The following MAST4 variants were observed in gnomAD, a reference collection of about 807,000 sequenced individuals.
The protein encoded by MAST4 is microtubule associated serine/threonine kinase family member 4, also known as microtubule-associated serine/threonine-protein kinase 4.
A neutral mutation model predicts 162.7 loss-of-function variants in MAST4; 89 were observed. The observed-to-expected ratio is 0.55, with a 90% confidence interval of 0.46 to 0.65. MAST4 has a LOEUF of 0.65. Ranked by LOEUF, MAST4 falls within the 30% of genes least tolerant of loss-of-function variation. The pLI is 0.00. For synonymous variants in MAST4, 1,479 were observed against 1,361.1 expected (o/e 1.09, Z -1.91); for missense variants, 3,153 against 3,374.0 (o/e 0.93, Z 1.62).
intron 3 of MAST4, among the ~76,000 whole-genome samples, chr5:66,857,011 G>T (rs1250197784): frequency 6.6e-6 from 1 of 152,130 alleles, no homozygotes; most frequent in African/African-American, 2.4e-5. Flanking sequence ...ATTATAAAAA[G>T]AAGAAAACTT....
intron 1 of MAST4, among the ~76,000 whole-genome samples, chr5:66,726,804 G>A (rs1430527324): frequency 6.6e-6 from 1 of 152,110 alleles, no homozygotes; most frequent in Non-Finnish European, 1.5e-5. Context: ...GCGCATACGA[G>A]GGATCTAGGT....
At chr5:66,629,113 G>C (rs1379474393) in intron 1 of MAST4, among the ~76,000 whole-genome samples, 1 of 152,188 alleles carries the variant, frequency 6.6e-6, no homozygotes, top group Non-Finnish European at 1.5e-5. Context: ...GAGAGTGCAG[G>C]CTGAGGTCTT....
chr5:66,855,304 T>C (rs1166939612), intron 3 of MAST4, among the ~76,000 whole-genome samples: 1 of 152,208 alleles, frequency 6.6e-6, no homozygotes, highest in Non-Finnish European at 1.5e-5. Context: ...TGCTCCTCCT[T>C]CACCTTCCGC....
At chr5:66,691,966 C>T (rs1183788295) in intron 1 of MAST4, among the ~76,000 whole-genome samples, 1 of 152,032 alleles carries the variant, frequency 6.6e-6, no homozygotes, top group Non-Finnish European at 1.5e-5. Flanking sequence ...TGATTCTCCC[C>T]AGGGCAAGAA....
intron 23 of MAST4, among the ~76,000 whole-genome samples, chr5:67,146,548 A>G (rs1326143749): frequency 6.6e-6 from 1 of 152,206 alleles, no homozygotes; most frequent in African/African-American, 2.4e-5. Context: ...AATGATTCCA[A>G]GATTTTTCGT....
chr5:66,945,980 G>A (rs560261775), intron 4 of MAST4, among the ~76,000 whole-genome samples: 2 of 152,282 alleles, frequency 1.3e-5, no homozygotes, highest in Admixed American at 6.5e-5. Flanking sequence ...GTGTTAGGTA[G>A]AAGGGTTTCA....
chr5:66,604,853 G>C (rs1742776758), intron 1 of MAST4, among the ~76,000 whole-genome samples: 2 of 152,322 alleles, frequency 1.3e-5, no homozygotes, highest in East Asian at 3.9e-4. Context: ...ATCAGTGGTA[G>C]GGAAACTAAG....
In MAST4 at chr5:66,736,315, A is replaced by ATT. The variant is rs150887206; in HGVS notation, c.364-23377_364-23376dup. 7.0e-3 allele frequency among the ~76,000 whole-genome samples: 977 copies of ATT among 138,990 alleles called. 10 individuals are homozygous for ATT. Among genetic ancestry groups the ATT allele is most frequent in the African/African-American group, 0.023 (861 of 37,458 alleles). The allele number at this position is 138,990 out of a possible 152,430, so 91.2% of individuals were successfully genotyped here. A position where few individuals can be genotyped will look rare whatever the true frequency, so the allele number is the denominator to read the frequency against. On this transcript the variant is annotated intron_variant, in intron 1 of 28. Coordinates refer to ENST00000403625, the MANE Select transcript of MAST4 (RefSeq NM_001164664.2). ...ACTTTGGCAACCATGTAGTGAGGGA[A>ATT]TTTTTTTTTTTTTTTTTTGGTCCTT... is the stretch of plus-strand genomic sequence containing the variant.
At chr5:66,901,683 T>C (rs465962) in intron 4 of MAST4, among the ~76,000 whole-genome samples, 52,801 of 152,038 alleles carry the variant, frequency 0.35, 10,166 homozygotes, top group Non-Finnish European at 0.45. Context: ...TATATGTATA[T>C]GTGAACACAC....
At chr5:67,134,180 A>G (rs1228499397) in intron 17 of MAST4, among the ~76,000 whole-genome samples, 1 of 152,212 alleles carries the variant, frequency 6.6e-6, no homozygotes, top group Non-Finnish European at 1.5e-5. Context: ...GACAATGACA[A>G]ACTTAAAAAT....
chr5:66,999,531 T>C (rs1751041761), intron 4 of MAST4, among the ~76,000 whole-genome samples: 1 of 152,220 alleles, frequency 6.6e-6, no homozygotes, highest in African/African-American at 2.4e-5. Context: ...ATCCAGAGAA[T>C]GCCTGAGAAA....
intron 3 of MAST4, among the ~76,000 whole-genome samples, chr5:66,837,288 T>A (rs1260538099): frequency 6.6e-6 from 1 of 152,180 alleles, no homozygotes; most frequent in Non-Finnish European, 1.5e-5. Context: ...TTCTTCATCA[T>A]TATCATCTAA....
At chr5:67,052,281 T>C (rs1490671183) in intron 4 of MAST4, among the ~76,000 whole-genome samples, 2 of 152,200 alleles carry the variant, frequency 1.3e-5, no homozygotes, top group Admixed American at 1.3e-4. Context: ...CCAGGATGAC[T>C]GTAATGTAAA....
chr5:66,687,565 T>TATACACATGTATATGTGTATATATATAC (rs1748753567), intron 1 of MAST4, among the ~76,000 whole-genome samples: 1 of 151,622 alleles, frequency 6.6e-6, no homozygotes, highest in Non-Finnish European at 1.5e-5. Flanking sequence ...CACATGCATA[T>TATACACATGTATATGTGTATATATATAC]ATACACATGT....
intron 1 of MAST4, among the ~76,000 whole-genome samples, chr5:66,628,260 C>T (rs1242993815): frequency 1.3e-5 from 2 of 151,670 alleles, no homozygotes; most frequent in African/African-American, 4.8e-5. Flanking sequence ...TCTCAAACTC[C>T]TAGGTTCAAG....
chr5:67,080,313 T>C (rs1762450921), intron 5 of MAST4, among the ~76,000 whole-genome samples: 1 of 152,236 alleles, frequency 6.6e-6, no homozygotes, highest in African/African-American at 2.4e-5. Context: ...AAGAGGGATT[T>C]AAAGACCCTG....
At chr5:66,615,631 T>G (rs1743620412) in intron 1 of MAST4, among the ~76,000 whole-genome samples, 1 of 145,506 alleles carries the variant, frequency 6.9e-6, no homozygotes, top group Admixed American at 6.8e-5. Flanking sequence ...CTGGGCAACA[T>G]AGTAAGACCC....
chr5:66,596,503 C>T lies in MAST4; in HGVS notation c.-153C>T. 1 of 949,920 alleles carries T rather than the reference C, an allele frequency of 1.1e-6. No homozygotes were observed. Among genetic ancestry groups the T allele is most frequent in the Non-Finnish European group, 1.4e-6 (1 of 724,790 alleles). 58.8% of individuals were successfully genotyped at this position (949,920 alleles called of 1,614,324 possible). ...ACTTAGCAGCGGGCTCCTGCGGCCC[C>T]GTCACTGCCATGTAGTCGCTGGCGG... On this transcript the variant is annotated 5_prime_UTR_variant, in exon 1 of 29. Coordinates refer to ENST00000403625, the MANE Select transcript of MAST4 (RefSeq NM_001164664.2).
At chr5:66,718,240 G>T (rs1750973080) in intron 1 of MAST4, among the ~76,000 whole-genome samples, 1 of 145,958 alleles carries the variant, frequency 6.9e-6, no homozygotes, top group African/African-American at 2.6e-5. Flanking sequence ...GACTCTATTT[G>T]AAGGTTTTTT....
Sources: allele counts gnomAD v4.1 joint callset (sites outside exome capture counted in the v4.1 genomes callset), GRCh38; gene constraint gnomAD v4.1.1; transcripts MANE v1.5; gene names NCBI Gene and HGNC (gene_info 2026-07-23, HGNC 2026-07-21).